Variants in UBXN7 observed in about 807,000 individuals in gnomAD.
UBXN7 encodes the protein UBX domain-containing protein 7.
UBXN7 carries 9 observed loss-of-function variants against 58.0 expected under a neutral mutation model. The ratio of observed to expected loss-of-function variants is 0.16; its 90% CI spans 0.09 to 0.27. The LOEUF (loss-of-function observed/expected upper bound fraction) is 0.27. UBXN7 is among the 10% of genes least tolerant of loss of function. The pLI, the probability that UBXN7 is intolerant of heterozygous loss-of-function variation, is 1.00. For missense variants in UBXN7, 328 were observed against 599.6 expected, an observed-to-expected ratio of 0.55 and a Z score of 4.73; for synonymous variants, 208 against 205.0, an observed-to-expected ratio of 1.01 and a Z score of -0.12.
intron 10 of UBXN7, among the ~76,000 whole-genome samples, chr3:196,361,310 G>C (rs1728499277): frequency 6.6e-6 from 1 of 152,204 alleles, no homozygotes; most frequent in Non-Finnish European, 1.5e-5. Context: ...AGCAAAGAAA[G>C]TGATTTCTGG....
chr3:196,363,205 TAC>T, intron 8 of UBXN7, among the ~76,000 whole-genome samples: 1 of 31,524 alleles, frequency 3.2e-5, no homozygotes, highest in Admixed American at 4.3e-4. Flanking sequence ...ACCTGGCACA[TAC>T]ATACATACAT....
intron 5 of UBXN7, among the ~76,000 whole-genome samples, chr3:196,385,928 G>T (rs866456321): frequency 6.6e-6 from 1 of 152,200 alleles, no homozygotes; most frequent in African/African-American, 2.4e-5. Context: ...TGGTTTTGTC[G>T]AATAGAAGGG....
intron 10 of UBXN7, among the ~76,000 whole-genome samples, chr3:196,361,115 G>C (rs1728493632): frequency 6.6e-6 from 1 of 152,176 alleles, no homozygotes; most frequent in Non-Finnish European, 1.5e-5. Context: ...CAGGGCTTTG[G>C]AAGAGGTTGA....
intron 5 of UBXN7, among the ~76,000 whole-genome samples, chr3:196,379,649 C>T (rs1376703185): frequency 6.6e-6 from 1 of 152,122 alleles, no homozygotes; most frequent in Non-Finnish European, 1.5e-5. Flanking sequence ...ATCTGTATGG[C>T]GAGCGCCATT....
rs749114691 is a variant in UBXN7, at chr3:196,432,368, G to C, written c.32C>G (p.Ser11Trp). 3 of 1,597,610 alleles carry C rather than the reference G, an allele frequency of 1.9e-6. No homozygotes were observed. Among genetic ancestry groups the C allele is most frequent in the Non-Finnish European group, 8.6e-7 (1 of 1,168,280 alleles). Residue 11 changes from serine to tryptophan, a missense_variant, in exon 1 of 11, where the codon TCG (serine) becomes TGG (tryptophan). Around this residue, in one of 4 missense-constraint regions of UBXN7, gnomAD observed 106 missense variants for 124.3 expected, o/e 0.85. Coordinates refer to ENST00000296328, the MANE Select transcript of UBXN7 (RefSeq NM_015562.2). ...CTGTTGAATTAACCCCTTCAGCGCC[G>C]AGGACGCCGCGGAGCCCCCGTGGGC... MAAHGGSAAS[S>W]ALKGLIQQFT...
intron 6 of UBXN7, among the ~76,000 whole-genome samples, chr3:196,371,348 G>A (rs1004445983): frequency 2.6e-5 from 4 of 152,068 alleles, no homozygotes; most frequent in African/African-American, 9.7e-5. Flanking sequence ...TAGTTATATA[G>A]ATATATTGAT....
chr3:196,403,076 C>T (rs1730043103), intron 2 of UBXN7, 57 bp from the exon 3 acceptor site: 2 of 1,494,594 alleles, frequency 1.3e-6, no homozygotes, highest in South Asian at 1.2e-5. Context: ...TACCTGTTTG[C>T]TTTCTGTAAA....
chr3:196,366,013 A>G (rs1728654315), intron 8 of UBXN7, among the ~76,000 whole-genome samples: 1 of 152,176 alleles, frequency 6.6e-6, no homozygotes, highest in Non-Finnish European at 1.5e-5. Context: ...AGAAAACGAC[A>G]TTATAAAGCA....
chr3:196,383,420 C>A (rs963907356), intron 5 of UBXN7, among the ~76,000 whole-genome samples: 1 of 152,076 alleles, frequency 6.6e-6, no homozygotes, highest in Non-Finnish European at 1.5e-5. Flanking sequence ...ATATCCAGGA[C>A]CTGAACTCAG....
At chr3:196,357,078 C>T (rs1728370816) in intron 10 of UBXN7, among the ~76,000 whole-genome samples, 5 of 152,192 alleles carry the variant, frequency 3.3e-5, no homozygotes, top group Admixed American at 3.3e-4. Context: ...CTGAAATACA[C>T]AGTTATTATT....
intron 1 of UBXN7, among the ~76,000 whole-genome samples, chr3:196,427,442 T>C (rs1730884654): frequency 6.6e-6 from 1 of 152,030 alleles, no homozygotes; most frequent in Non-Finnish European, 1.5e-5. Flanking sequence ...CTCAGCCTCC[T>C]GGGTAGCTGG....
Position 196,350,893 on chromosome 3 carries a change from C to T in UBXN7, c.*5792G>A, listed in dbSNP as rs1204188643. 6.6e-6 allele frequency: 1 copy of T among 152,226 alleles called. No individual in the cohort carries two copies. Among genetic ancestry groups the T allele is most frequent in the Non-Finnish European group, 1.5e-5 (1 of 68,046 alleles). 9.4% of individuals were successfully genotyped at this position (152,226 alleles called of 1,614,324 possible). A position where few individuals can be genotyped will look rare whatever the true frequency, so the allele number is the denominator to read the frequency against. ...AACTGAAAAGCTAAGCCAGGCAATC[C>T]AGTGAAGTTGAATGTCCATAGTACA... is the stretch of plus-strand genomic sequence containing the variant. On this transcript the variant is annotated 3_prime_UTR_variant, in exon 11 of 11. Coordinates refer to ENST00000296328, the MANE Select transcript of UBXN7 (RefSeq NM_015562.2).
At chr3:196,409,940 CTTT>C (rs71621242) in intron 1 of UBXN7, among the ~76,000 whole-genome samples, 12 of 138,166 alleles carry the variant, frequency 8.7e-5, no homozygotes, top group East Asian at 6.9e-4. Context: ...TTAAAAGAAA[CTTT>C]TTTTTTTTTT....
intron 2 of UBXN7, among the ~76,000 whole-genome samples, chr3:196,405,978 G>C (rs1403632270): frequency 6.6e-6 from 1 of 151,922 alleles, no homozygotes. Context: ...AAACAACTAT[G>C]AATATTTGCT....
At chr3:196,385,378 T>C (rs1034665880) in intron 5 of UBXN7, among the ~76,000 whole-genome samples, 1 of 152,174 alleles carries the variant, frequency 6.6e-6, no homozygotes, top group Non-Finnish European at 1.5e-5. Context: ...GCCGCCTGCC[T>C]TGGCCTCCCA....
At chr3:196,385,755 G>A (rs189705750) in intron 5 of UBXN7, among the ~76,000 whole-genome samples, 65 of 150,982 alleles carry the variant, frequency 4.3e-4, no homozygotes, top group African/African-American at 1.5e-3. Context: ...GAGGTGGGGG[G>A]CAGCCCCCAC....
intron 5 of UBXN7, among the ~76,000 whole-genome samples, chr3:196,390,826 C>T (rs1451116447): frequency 6.6e-6 from 1 of 151,758 alleles, no homozygotes; most frequent in Non-Finnish European, 1.5e-5. Flanking sequence ...TTAATCAACA[C>T]GAAAAGGCAA....
chr3:196,409,867 G>C (rs1730268192), intron 1 of UBXN7, among the ~76,000 whole-genome samples: 1 of 151,826 alleles, frequency 6.6e-6, no homozygotes. Flanking sequence ...CACCAGACCT[G>C]CTTTAAAGGT....
intron 1 of UBXN7, among the ~76,000 whole-genome samples, chr3:196,408,780 C>T (rs1730239037): frequency 6.6e-6 from 1 of 152,038 alleles, no homozygotes. Context: ...AAATCAGTTG[C>T]CAGACTAAAG....
Sources: gnomAD v4.1 joint callset for allele counts (sites outside exome capture counted in the v4.1 genomes callset) on GRCh38, gnomAD v4.1.1 for gene constraint, gnomAD v4.1.1 regional missense constraint, MANE v1.5 for transcripts, NCBI Gene and HGNC (gene_info 2026-07-23, HGNC 2026-07-21) for gene names.